Variants in PDZD2 observed in about 807,000 individuals in gnomAD.
The protein encoded by PDZD2 is PDZ domain containing 2.
PDZD2 carries 90 observed loss-of-function variants against 220.7 expected under a neutral mutation model. The ratio of observed to expected loss-of-function variants is 0.41; its 90% CI spans 0.34 to 0.49. The LOEUF is 0.49. Ranked by LOEUF, PDZD2 falls within the 20% of genes least tolerant of loss-of-function variation. The pLI is 0.28. For synonymous variants in PDZD2, 1,375 were observed against 1,450.5 expected (o/e 0.95, Z 1.18); for missense variants, 3,174 against 3,608.5 (o/e 0.88, Z 3.08).
At chr5:31,812,316 T>C (rs56237247) in intron 2 of PDZD2, among the ~76,000 whole-genome samples, 18,205 of 152,204 alleles carry the variant, frequency 0.12, 1,312 homozygotes, top group Non-Finnish European at 0.17. Flanking sequence ...AAATTGAGTT[T>C]GACCAATAAT....
chr5:31,794,233 G>A (rs57574528), intron 1 of PDZD2, among the ~76,000 whole-genome samples: 10,291 of 152,074 alleles, frequency 0.068, 1,109 homozygotes, highest in East Asian at 0.52. Flanking sequence ...ACGTCATAGT[G>A]TTTTGCATTT....
intron 1 of PDZD2, among the ~76,000 whole-genome samples, chr5:31,656,836 G>A (rs1397591326): frequency 6.6e-6 from 1 of 152,198 alleles, no homozygotes; most frequent in Admixed American, 6.5e-5. Context: ...CCAAGACAGA[G>A]CAAAGGGGCT....
chr5:32,015,242 C>T (rs1446729208), intron 6 of PDZD2, among the ~76,000 whole-genome samples: 1 of 151,736 alleles, frequency 6.6e-6, no homozygotes, highest in African/African-American at 2.4e-5. Flanking sequence ...GCACCTAGCC[C>T]GACAATTTCT....
At position 32,000,372 on chromosome 5, in the gene PDZD2, A is replaced by C. The variant is rs1363331985; in HGVS notation, c.1254+101A>C. ...CACACACACACAAAGACATGTGTGCACTTGTACGTTTGCCTTGGGCTATTG... is the reference window on the plus strand; with the variant it reads ...CACACACACACAAAGACATGTGTGCCCTTGTACGTTTGCCTTGGGCTATTG... On this transcript the variant is annotated intron_variant, in intron 5 of 24. Coordinates refer to ENST00000438447, the MANE Select transcript of PDZD2 (RefSeq NM_178140.4). The surrounding 1 kb of genome is among the most constrained non-coding windows in gnomAD (Gnocchi z 4.5). 2.3e-6 allele frequency: 3 copies of C among 1,298,580 alleles called. No individual in the cohort carries two copies. Among genetic ancestry groups the C allele is most frequent in the African/African-American group, 2.9e-5 (2 of 68,558 alleles). 80.4% of individuals were successfully genotyped at this position (1,298,580 alleles called of 1,614,324 possible). A position where few individuals can be genotyped will look rare whatever the true frequency, so the allele number is the denominator to read the frequency against.
chr5:31,944,151 T>C (rs1746442440), intron 2 of PDZD2, among the ~76,000 whole-genome samples: 1 of 152,232 alleles, frequency 6.6e-6, no homozygotes, highest in South Asian at 2.1e-4. Flanking sequence ...TGGTTTTCTT[T>C]GTAATCCTAT....
At chr5:31,916,051 C>T (rs1314654741) in intron 2 of PDZD2, among the ~76,000 whole-genome samples, 2 of 152,156 alleles carry the variant, frequency 1.3e-5, no homozygotes, top group African/African-American at 4.8e-5. Flanking sequence ...AGTCTAAAGA[C>T]TGAATCTGTA....
intron 17 of PDZD2, 105 bp downstream of exon 17, chr5:32,072,422 G>GT: frequency 1.1e-6 from 1 of 913,582 alleles, no homozygotes; most frequent in African/African-American, 1.7e-5. Context: ...CCCTGGCGCT[G>GT]TAATACGAGA....
At chr5:32,019,229 C>T (rs1331811859) in intron 6 of PDZD2, among the ~76,000 whole-genome samples, 2 of 145,002 alleles carry the variant, frequency 1.4e-5, no homozygotes, top group East Asian at 4.3e-4. Context: ...GCAGCCTTGA[C>T]TTCCTGGGCT....
intron 19 of PDZD2, among the ~76,000 whole-genome samples, chr5:32,082,955 A>T (rs966668212): frequency 6.6e-6 from 1 of 152,198 alleles, no homozygotes; most frequent in Admixed American, 6.5e-5. Flanking sequence ...AAACTGAAGC[A>T]GTGTGGGGAA....
chr5:31,733,655 T>C (rs1240388486), intron 1 of PDZD2, among the ~76,000 whole-genome samples: 3 of 152,190 alleles, frequency 2.0e-5, no homozygotes, highest in Admixed American at 2.0e-4. Context: ...CCGTCTTTAC[T>C]CCCATGTGCA....
At chr5:31,969,509 CAAA>C (rs56755290) in intron 2 of PDZD2, among the ~76,000 whole-genome samples, 23 of 51,410 alleles carry the variant, frequency 4.5e-4, no homozygotes, top group East Asian at 1.7e-3. Context: ...GCCCCCTCTC[CAAA>C]AAAAAAAAAA....
chr5:32,044,695 G>C (rs144602840), intron 7 of PDZD2, among the ~76,000 whole-genome samples: 1,667 of 152,294 alleles, frequency 0.011, 17 homozygotes, highest in Non-Finnish European at 0.016. Context: ...TAGGGAAACG[G>C]ACATAGCAGA....
chr5:31,689,355 T>TA lies in PDZD2; in HGVS notation c.-361+49918_-361+49919insA, dbSNP rs1208262874. 5.2e-3 allele frequency among the ~76,000 whole-genome samples: 108 copies of TA among 20,842 alleles called. 1 individual carries two copies. The highest frequency in any genetic ancestry group is 0.025 in the African/African-American group (73 of 2,866). 13.7% of individuals were successfully genotyped at this position (20,842 alleles called of 152,430 possible). A position where few individuals can be genotyped will look rare whatever the true frequency, so the allele number is the denominator to read the frequency against. On this transcript the variant is annotated intron_variant, in intron 1 of 24. Coordinates refer to ENST00000438447, the MANE Select transcript of PDZD2 (RefSeq NM_178140.4). Reference sequence around the variant, plus strand: ...CATATACATATATATATATATATATTTTTTTTTTTTTTTTTTTTAAGTCGA... The same window carrying TA: ...CATATACATATATATATATATATATTATTTTTTTTTTTTTTTTTTAAGTCGA...
intron 2 of PDZD2, among the ~76,000 whole-genome samples, chr5:31,955,260 G>T (rs375908751): frequency 1.3e-4 from 19 of 151,930 alleles, no homozygotes; most frequent in African/African-American, 3.6e-4. Flanking sequence ...AAGAAAAGAA[G>T]GATGTTGGTT....
At chr5:31,883,287 C>T (rs1405734787) in intron 2 of PDZD2, among the ~76,000 whole-genome samples, 2 of 129,106 alleles carry the variant, frequency 1.5e-5, no homozygotes, top group Non-Finnish European at 3.1e-5. Context: ...GTGGCACAAT[C>T]TCAGCTCACT....
In PDZD2 at chr5:31,942,713, T is replaced by C. The variant is rs144800030; in HGVS notation, c.477-40442T>C. 1.9e-3 allele frequency among the ~76,000 whole-genome samples: 296 copies of C among 152,342 alleles called. 2 individuals carry two copies. Among genetic ancestry groups the C allele is most frequent in the Non-Finnish European group, 3.4e-3 (228 of 68,032 alleles). On this transcript the variant is annotated intron_variant, in intron 2 of 24. Coordinates refer to ENST00000438447, the MANE Select transcript of PDZD2 (RefSeq NM_178140.4). The stretch of plus-strand genomic sequence containing the variant: ...TTTGTAAACATGTGGTCCAAACACA[T>C]TCACATGGTTTGTTTTTGTTAGAGA...
chr5:32,063,361 C>T (rs944636561), intron 14 of PDZD2, among the ~76,000 whole-genome samples: 13 of 152,116 alleles, frequency 8.5e-5, no homozygotes, highest in African/African-American at 1.7e-4. Context: ...ATGACTCTTT[C>T]TTACTTACAA....
intron 2 of PDZD2, among the ~76,000 whole-genome samples, chr5:31,870,487 G>A (rs934559579): frequency 1.1e-4 from 16 of 152,152 alleles, no homozygotes; most frequent in African/African-American, 2.4e-5. Flanking sequence ...TTTTTAAAAA[G>A]GAAGAGGGTG....
At chr5:31,815,722 A>C (rs1276112668) in intron 2 of PDZD2, among the ~76,000 whole-genome samples, 2 of 151,994 alleles carry the variant, frequency 1.3e-5, no homozygotes, top group Non-Finnish European at 2.9e-5. Context: ...TCACTTAGTC[A>C]GTTGGAGGGC....
Sources: gnomAD v4.1 joint callset for allele counts (sites outside exome capture counted in the v4.1 genomes callset) on GRCh38, gnomAD v4.1.1 for gene constraint, Gnocchi (gnomAD v3.1) non-coding constraint, MANE v1.5 for transcripts, NCBI Gene and HGNC (gene_info 2026-07-23, HGNC 2026-07-21) for gene names.